The following ERAP1 variants were observed in gnomAD, a reference collection of about 807,000 sequenced individuals.
ERAP1 encodes the protein endoplasmic reticulum aminopeptidase 1, also known as adipocyte-derived leucine aminopeptidase.
Under a neutral mutation model 103.7 loss-of-function variants are expected in ERAP1, and 86 were observed. The ratio of observed to expected loss-of-function variants is 0.83; its 90% CI spans 0.70 to 0.99. ERAP1 has a LOEUF of 0.99. ERAP1 is among the 50% of genes least tolerant of loss of function. The pLI is 0.00. For missense variants in ERAP1, 1,009 were observed against 1,128.4 expected, an observed-to-expected ratio of 0.89 and a Z score of 1.52; for synonymous variants, 398 against 402.4, an observed-to-expected ratio of 0.99 and a Z score of 0.13.
the ERAP1 span, among the ~76,000 whole-genome samples, chr5:96,862,974 G>C: frequency 2.0e-5 from 3 of 152,182 alleles, no homozygotes; most frequent in Non-Finnish European, 4.4e-5. Flanking sequence ...TATCTGGGTT[G>C]AGCAGGGCAT....
the ERAP1 span, among the ~76,000 whole-genome samples, chr5:96,866,994 T>C: frequency 6.9e-6 from 1 of 145,914 alleles, no homozygotes; most frequent in Non-Finnish European, 1.5e-5. Flanking sequence ...CCTTTTTCCC[T>C]GCTTTACCTT....
At chr5:96,890,734 T>C in the ERAP1 span, among the ~76,000 whole-genome samples, 2 of 152,192 alleles carry the variant, frequency 1.3e-5, no homozygotes, top group Admixed American at 1.3e-4. Flanking sequence ...AAAAGCTATA[T>C]CCAGGGACTT....
chr5:96,789,467 A>T (rs983222061), intron 10 of ERAP1, among the ~76,000 whole-genome samples: 8 of 150,290 alleles, frequency 5.3e-5, no homozygotes, highest in Admixed American at 1.3e-4. Flanking sequence ...AGCCTGGGCA[A>T]CAGAGTGAGA....
the ERAP1 span, among the ~76,000 whole-genome samples, chr5:96,855,509 T>C: frequency 6.6e-6 from 1 of 152,180 alleles, no homozygotes; most frequent in African/African-American, 2.4e-5. Context: ...TGGAACCAGA[T>C]GAACATTCTC....
the ERAP1 span, among the ~76,000 whole-genome samples, chr5:96,903,725 T>G: frequency 6.6e-6 from 1 of 151,598 alleles, no homozygotes; most frequent in Non-Finnish European, 1.5e-5. Flanking sequence ...TAACGTATTT[T>G]GACCCACACA....
At chr5:96,868,006 C>G in the ERAP1 span, among the ~76,000 whole-genome samples, 44 of 150,894 alleles carry the variant, frequency 2.9e-4, 1 homozygote, top group Admixed American at 2.8e-3. Context: ...GCCCAGGAGA[C>G]AGAGGTTGCA....
chr5:96,786,725 C>G, intron 11 of ERAP1, 176 bp from the exon 12 acceptor site: 1 of 588,138 alleles, frequency 1.7e-6, no homozygotes. Context: ...GGAGTGTCAG[C>G]TCGGGCACTA....
At chr5:96,917,389 G>C in the ERAP1 span, 1 of 1,453,038 alleles carries the variant, frequency 6.9e-7, no homozygotes, top group East Asian at 2.4e-5. Flanking sequence ...CCGAAGTGCT[G>C]GGATTACAGG....
chr5:96,902,052 C>T, the ERAP1 span, among the ~76,000 whole-genome samples: 10 of 152,282 alleles, frequency 6.6e-5, no homozygotes, highest in East Asian at 1.9e-3. Flanking sequence ...TGGCAGAGTT[C>T]AACTAGGTAG....
chr5:96,809,319 C>T (rs10075528), upstream of ERAP1, among the ~76,000 whole-genome samples: 6,509 of 152,218 alleles, frequency 0.043, 162 homozygotes, highest in Non-Finnish European at 0.066. Context: ...CCTTATTTTA[C>T]CCAGCTCCTA....
chr5:96,795,104 G>A lies in ERAP1; in HGVS notation c.857C>T (p.Ala286Val), dbSNP rs367650672. ...CTCATAAAATTCTAGAAGAGTCACC[G>A]CAGCATCCAGTGCATAATCTGCTTG... is the stretch of plus-strand genomic sequence containing the variant. ...INQADYALDAAVTLLEFYEDY... is the reference protein window; with the variant it reads ...INQADYALDAVVTLLEFYEDY... The change falls in exon 5 of 19, where the codon GCG becomes GTG. Residue 286 changes from alanine to valine, a missense_variant. Around this residue, in one of 3 missense-constraint regions of ERAP1, gnomAD observed 392 missense variants for 455.2 expected, o/e 0.86. Transcript: ENST00000443439. The A allele has an allele frequency of 9.9e-6, 16 of 1,613,658 alleles. No homozygotes were observed. Among genetic ancestry groups the A allele is most frequent in the South Asian group, 4.4e-5 (4 of 91,076 alleles).
chr5:96,886,561 G>A, the ERAP1 span: 1 of 1,127,312 alleles, frequency 8.9e-7, no homozygotes, highest in Non-Finnish European at 1.2e-6. Context: ...TTCAGAGTAT[G>A]AGGCTTGCCT....
the ERAP1 span, chr5:96,908,971 C>T: frequency 6.2e-7 from 1 of 1,614,030 alleles, no homozygotes. Flanking sequence ...TGCAGGGAGA[C>T]TGACCCTAGA....
At chr5:96,783,799 C>T in intron 14 of ERAP1, 125 bp downstream of exon 14, 2 of 1,036,418 alleles carry the variant, frequency 1.9e-6, no homozygotes, top group Non-Finnish European at 2.8e-6. Flanking sequence ...TTTGCTTTTC[C>T]TTAATATGTA....
chr5:96,935,316 G>GACCCCAGGGCGCCCTCGGCCCTGC, the ERAP1 span: 2 of 152,280 alleles, frequency 1.3e-5, no homozygotes, highest in African/African-American at 4.8e-5. Context: ...CCCGGGACTG[G>GACCCCAGGGCGCCCTCGGCCCTGC]ACCCCAGGGC....
At chr5:96,885,111 A>T in the ERAP1 span, among the ~76,000 whole-genome samples, 1 of 152,194 alleles carries the variant, frequency 6.6e-6, no homozygotes, top group Non-Finnish European at 1.5e-5. Flanking sequence ...GGGATAAACC[A>T]TAGCAAACGC....
chr5:96,906,370 G>A, the ERAP1 span, among the ~76,000 whole-genome samples: 82,765 of 151,854 alleles, frequency 0.55, 22,605 homozygotes, highest in Admixed American at 0.59. Flanking sequence ...GGGCTCAAGC[G>A]ATCCTCCCAC....
chr5:96,880,879 A>T, the ERAP1 span: 1 of 161,196 alleles, frequency 6.2e-6, no homozygotes, highest in Admixed American at 5.7e-5. Context: ...CAGTGTTATG[A>T]ATGAAATAAA....
the ERAP1 span, among the ~76,000 whole-genome samples, chr5:96,867,642 C>T: frequency 4.8e-4 from 73 of 152,270 alleles, 1 homozygote; most frequent in African/African-American, 1.6e-3. Flanking sequence ...CTCATAGCCT[C>T]ATGGCAGGTT....
Sources: gnomAD v4.1 joint callset for allele counts (sites outside exome capture counted in the v4.1 genomes callset) on GRCh38, gnomAD v4.1.1 for gene constraint, gnomAD v4.1.1 regional missense constraint, MANE v1.5 for transcripts, NCBI Gene and HGNC (gene_info 2026-07-23, HGNC 2026-07-21) for gene names.